BIRC6: variants seen among roughly 807,000 people sequenced by gnomAD.
The protein encoded by BIRC6 is baculoviral IAP repeat containing 6.
In BIRC6, 98 loss-of-function variants were observed where a neutral mutation model predicts 503.3. The observed-to-expected ratio is 0.19, with a 90% CI of 0.17 to 0.23. BIRC6 has a LOEUF of 0.23. Ranked by LOEUF, BIRC6 falls within the 10% of genes least tolerant of loss-of-function variation. The pLI is 1.00. For synonymous variants in BIRC6, 2,240 were observed against 2,078.7 expected, an observed-to-expected ratio of 1.08 and a Z score of -2.11; for missense variants, 5,360 against 5,806.0, an observed-to-expected ratio of 0.92 and a Z score of 2.50.
chr2:32,415,630 G>T lies in BIRC6; in HGVS notation c.2339G>T (p.Arg780Leu), dbSNP rs760450276. The T allele has an allele frequency of 8.1e-6, 13 of 1,613,906 alleles. No individual in the cohort carries two copies. The highest frequency in any genetic ancestry group is 1.1e-5 in the Non-Finnish European group (13 of 1,179,882). ...TTAAACTCTGCACTATGTAATAGAC[G>T]GAAAGGTGAGCTGGAATCAAATCTT... ...NKLNSALCNR[R>L]KGELESNLAV... Residue 780 changes from arginine to leucine, a missense_variant, in exon 10 of 74, where the codon CGG becomes CTG. By Grantham distance (102) the Arg-to-Leu change is moderately radical. Around this residue, in one of 16 missense-constraint regions of BIRC6, gnomAD observed 700 missense variants for 739.3 expected, o/e 0.95. Coordinates refer to ENST00000421745, the MANE Select transcript of BIRC6 (RefSeq NM_016252.4).
Position 32,415,476 on chromosome 2 carries a change from G to A in BIRC6, c.2185G>A (p.Glu729Lys). Reference sequence around the variant, plus strand: ...GAGGCTGCCAAAGTTTGCAGAGGAGGAGAATCTTTGTATAGACTCAATAAC... The same window carrying A: ...GAGGCTGCCAAAGTTTGCAGAGGAGAAGAATCTTTGTATAGACTCAATAAC... ...CLRLPKFAEE[E>K]NLCIDSITPC... The change falls in exon 10 of 74, where the codon GAG becomes AAG. Residue 729 changes from glutamate (E) to lysine (K), a missense_variant. Transcript: ENST00000421745. 6.2e-7 allele frequency: 1 copy of A among 1,613,996 alleles called. No homozygotes were observed. Among genetic ancestry groups the A allele is most frequent in the Non-Finnish European group, 8.5e-7 (1 of 1,179,902 alleles).
intron 33 of BIRC6, among the ~76,000 whole-genome samples, chr2:32,474,401 A>G (rs972325138): frequency 3.3e-5 from 5 of 152,228 alleles, no homozygotes; most frequent in Admixed American, 1.3e-4. Context: ...AGGATACAAA[A>G]CAAAACCTAG....
At position 32,517,352 on chromosome 2, in the gene BIRC6, T is replaced by C. The variant is rs115901821; in HGVS notation, c.11350-902T>C. On this transcript the variant is annotated intron_variant, in intron 55 of 73. Transcript: ENST00000421745. Reference sequence around the variant, plus strand: ...GCGAGACCCTGTCTCAACAAAAACCTAAACAAAACAGAGGAAGAAGAGAAA... The same window carrying C: ...GCGAGACCCTGTCTCAACAAAAACCCAAACAAAACAGAGGAAGAAGAGAAA... Among the ~76,000 whole-genome samples, 668 of 152,194 alleles carry C rather than the reference T, an allele frequency of 4.4e-3. 3 individuals carry two copies. Among genetic ancestry groups the C allele is most frequent in the African/African-American group, 0.015 (634 of 41,536 alleles).
intron 21 of BIRC6, among the ~76,000 whole-genome samples, chr2:32,448,428 C>T (rs1451008012): frequency 6.6e-6 from 1 of 150,768 alleles, no homozygotes; most frequent in South Asian, 2.1e-4. Flanking sequence ...GCTGGCGGAT[C>T]ACTCGCGGTT....
chr2:32,459,863 G>T (rs1002171951), intron 23 of BIRC6, among the ~76,000 whole-genome samples: 1 of 151,032 alleles, frequency 6.6e-6, no homozygotes, highest in East Asian at 1.9e-4. Flanking sequence ...CCATTCATTT[G>T]GTATTTGTGT....
intron 1 of BIRC6, among the ~76,000 whole-genome samples, chr2:32,377,141 C>T (rs1286073884): frequency 6.6e-6 from 1 of 151,970 alleles, no homozygotes; most frequent in Admixed American, 6.6e-5. Flanking sequence ...AAGAACTTCC[C>T]TATATACCCT....
At chr2:32,460,238 C>T (rs1572381511) in intron 23 of BIRC6, among the ~76,000 whole-genome samples, 11 of 72,064 alleles carry the variant, frequency 1.5e-4, no homozygotes, top group South Asian at 4.7e-4. Flanking sequence ...TGATATATCT[C>T]GTATATGATA....
intron 57 of BIRC6, among the ~76,000 whole-genome samples, chr2:32,520,203 T>A (rs2055500443): frequency 6.6e-6 from 1 of 152,092 alleles, no homozygotes. Context: ...TTAAAGAGAT[T>A]TGGGAGTTGT....
chr2:32,389,560 A>G (rs1311435104), intron 4 of BIRC6, among the ~76,000 whole-genome samples: 1 of 152,216 alleles, frequency 6.6e-6, no homozygotes, highest in Non-Finnish European at 1.5e-5. Flanking sequence ...TGACACATTC[A>G]TTTAAATACT....
At chr2:32,553,230 A>AAAAAAAAAAAAAAAAAAAAAAT (rs2058555518) in intron 65 of BIRC6, among the ~76,000 whole-genome samples, 1 of 134,778 alleles carries the variant, frequency 7.4e-6, no homozygotes, top group Non-Finnish European at 1.6e-5. Flanking sequence ...AAAAAAAAAA[A>AAAAAAAAAAAAAAAAAAAAAAT]AAAAGATAAA....
intron 5 of BIRC6, among the ~76,000 whole-genome samples, chr2:32,394,728 G>A (rs1234384076): frequency 1.3e-5 from 2 of 152,184 alleles, no homozygotes; most frequent in Non-Finnish European, 2.9e-5. Context: ...CAGCTGGGGG[G>A]CTGAGGTTGG....
intron 39 of BIRC6, among the ~76,000 whole-genome samples, chr2:32,482,814 A>G (rs533768728): frequency 1.3e-5 from 2 of 152,274 alleles, no homozygotes; most frequent in South Asian, 4.1e-4. Flanking sequence ...GGGATTGGCA[A>G]TGATTTTAAT....
Position 32,388,781 on chromosome 2 carries a change from A to G in BIRC6, c.677A>G (p.His226Arg). 1 of 1,607,800 alleles carries G rather than the reference A, an allele frequency of 6.2e-7. No homozygotes were observed. Among genetic ancestry groups the G allele is most frequent in the Non-Finnish European group, 8.5e-7 (1 of 1,177,680 alleles). ...ACAGTTACATTTCATCTTCCTCATC[A>G]TGTGTTGAAGTCCATTGCCAGTGCC... Reference protein sequence around the residue: ...WATVTFHLPHHVLKSIASAIV... With the variant: ...WATVTFHLPHRVLKSIASAIV... Residue 226 changes from histidine to arginine, a missense_variant, in exon 4 of 74, where the codon CAT (histidine) becomes CGT (arginine). Coordinates refer to ENST00000421745, the MANE Select transcript of BIRC6 (RefSeq NM_016252.4).
intron 9 of BIRC6, among the ~76,000 whole-genome samples, chr2:32,406,815 A>G (rs778813764): frequency 3.9e-5 from 6 of 152,178 alleles, no homozygotes; most frequent in Non-Finnish European, 8.8e-5. Context: ...TTTGTCACAT[A>G]TGTCAGGTAA....
intron 3 of BIRC6, among the ~76,000 whole-genome samples, chr2:32,381,932 A>ATT (rs150738758): frequency 2.6e-5 from 4 of 151,398 alleles, no homozygotes; most frequent in African/African-American, 9.7e-5. Flanking sequence ...GTTGCATTGA[A>ATT]TTTTTTTTTG....
At chr2:32,399,063 T>G (rs1009859102) in intron 6 of BIRC6, among the ~76,000 whole-genome samples, 7 of 152,026 alleles carry the variant, frequency 4.6e-5, no homozygotes, top group African/African-American at 1.7e-4. Flanking sequence ...TAAGAAACAT[T>G]TATTTTTAAA....
intron 12 of BIRC6, among the ~76,000 whole-genome samples, chr2:32,431,309 C>G (rs949499117): frequency 2.4e-4 from 35 of 144,994 alleles, no homozygotes; most frequent in Middle Eastern, 3.7e-3. Context: ...GATTCTCCTG[C>G]CTCAGCCTCT....
At chr2:32,514,647 G>C (rs929419811) in intron 54 of BIRC6, among the ~76,000 whole-genome samples, 1 of 152,124 alleles carries the variant, frequency 6.6e-6, no homozygotes, top group African/African-American at 2.4e-5. Context: ...GGAATTTAAC[G>C]TAAACATTTG....
chr2:32,513,224 A>G (rs950926826), intron 54 of BIRC6, 70 bp downstream of exon 54: 1 of 1,123,510 alleles, frequency 8.9e-7, no homozygotes, highest in Non-Finnish European at 1.3e-6. Flanking sequence ...TGATAAAACA[A>G]AATATTTTAC....
Sources: gnomAD v4.1 joint callset for allele counts (sites outside exome capture counted in the v4.1 genomes callset) on GRCh38, gnomAD v4.1.1 for gene constraint, gnomAD v4.1.1 regional missense constraint, MANE v1.5 for transcripts, NCBI Gene and HGNC (gene_info 2026-07-23, HGNC 2026-07-21) for gene names.